Variants in PLEKHA7 observed in about 807,000 individuals in gnomAD.
PLEKHA7 encodes the protein pleckstrin homology domain containing A7.
PLEKHA7 carries 104 observed loss-of-function variants against 170.0 expected under a neutral mutation model. The observed-to-expected ratio is 0.61, with a 90% CI of 0.52 to 0.72. The LOEUF is 0.72. PLEKHA7 is among the 30% of genes least tolerant of loss of function. The probability of loss-of-function intolerance (pLI) is 0.00; values close to 1 mark genes in which losing one functional copy is unlikely to be tolerated. For synonymous variants in PLEKHA7, 648 were observed against 660.8 expected (o/e 0.98, Z 0.30); for missense variants, 1,615 against 1,671.7 (o/e 0.97, Z 0.59).
At position 16,789,133 on chromosome 11, in the gene PLEKHA7, C is replaced by A. The variant is rs753924149; in HGVS notation, c.3320G>T (p.Arg1107Leu). Residue 1107 changes from arginine to leucine, a missense_variant, in exon 23 of 27, where the codon CGC becomes CTC. Physicochemically the swap from Arg to Leu is moderately radical, Grantham distance 102 (BLOSUM62 -2). Transcript: ENST00000531066. This position sits in a 1 kb window ranked among gnomAD's most constrained non-coding sequence, Gnocchi z 4.6. ...TCCAGGGAGCGGCCGGCTGAGGTAG[C>A]GAGATGAGGGCAGGCCCGTCCTCTC... ...QGERTGLPSS[R>L]YLSRPLPGDL... The A allele has an allele frequency of 3.7e-6, 6 of 1,608,614 alleles. No homozygotes were observed. Among genetic ancestry groups the A allele is most frequent in the Non-Finnish European group, 3.4e-6 (4 of 1,180,002 alleles).
At chr11:16,829,907 C>G (rs1416705001) in intron 9 of PLEKHA7, among the ~76,000 whole-genome samples, 3 of 151,954 alleles carry the variant, frequency 2.0e-5, no homozygotes, top group Non-Finnish European at 4.4e-5. Flanking sequence ...TTCCTTTCTC[C>G]CTTTAAGCCT....
At chr11:16,783,191 G>A (rs1849164243) in intron 25 of PLEKHA7, among the ~76,000 whole-genome samples, 1 of 152,322 alleles carries the variant, frequency 6.6e-6, no homozygotes, top group African/African-American at 2.4e-5. Flanking sequence ...TTACAAACAA[G>A]ATTAAATTTC....
chr11:16,884,780 T>G (rs1347544587), intron 3 of PLEKHA7, among the ~76,000 whole-genome samples: 1 of 152,250 alleles, frequency 6.6e-6, no homozygotes, highest in Admixed American at 6.5e-5. Flanking sequence ...CACTCCCTGC[T>G]GCTTCCCAGT....
chr11:16,996,643 C>T (rs1430758375), intron 3 of PLEKHA7, among the ~76,000 whole-genome samples: 1 of 152,182 alleles, frequency 6.6e-6, no homozygotes, highest in African/African-American at 2.4e-5. Context: ...AACTTAAAAG[C>T]TGAATCTCAG....
Position 16,791,024 on chromosome 11 carries a change from T to C in PLEKHA7, c.2921A>G (p.Asn974Ser). 1 of 1,614,078 alleles carries C rather than the reference T, an allele frequency of 6.2e-7. No individual in the cohort carries two copies. The highest frequency in any genetic ancestry group is 8.5e-7 in the Non-Finnish European group (1 of 1,180,002). The change falls in exon 20 of 27, where the codon AAT (asparagine) becomes AGT (serine). Residue 974 changes from asparagine to serine, a missense_variant. By Grantham distance (46) the Asn-to-Ser change is conservative. Transcript: ENST00000531066. This position sits in a 1 kb window ranked among gnomAD's most constrained non-coding sequence, Gnocchi z 4.5. ...KRDRELGQCV[N>S]GDSRVELRSY... ...TCCCCCGCTCACCCTGGAATCCCCA[T>C]TCACACACTGCCCCAGCTCCCGGTC...
chr11:16,914,051 CCA>C (rs1858454735), intron 3 of PLEKHA7, among the ~76,000 whole-genome samples: 1 of 151,952 alleles, frequency 6.6e-6, no homozygotes, highest in African/African-American at 2.4e-5. Flanking sequence ...CATGTGTGCA[CCA>C]CAGACTGTTA....
chr11:16,847,525 C>T (rs1852542243), intron 8 of PLEKHA7, among the ~76,000 whole-genome samples: 1 of 142,724 alleles, frequency 7.0e-6, no homozygotes, highest in African/African-American at 2.5e-5. Flanking sequence ...GCTGGGGCCT[C>T]GTGAATCACA....
chr11:16,894,597 A>G (rs1024571694), intron 3 of PLEKHA7, among the ~76,000 whole-genome samples: 1 of 152,168 alleles, frequency 6.6e-6, no homozygotes, highest in African/African-American at 2.4e-5. Context: ...ATAGCTCCAC[A>G]CTCGTAGTGT....
intron 3 of PLEKHA7, among the ~76,000 whole-genome samples, chr11:17,012,028 A>G (rs1446863378): frequency 1.3e-5 from 2 of 151,622 alleles, no homozygotes; most frequent in East Asian, 3.9e-4. Flanking sequence ...TGTGACCACT[A>G]CTCCCTGTCT....
chr11:16,792,628 C>T lies in PLEKHA7; in HGVS notation c.2746-1429G>A, dbSNP rs188307948. Among the ~76,000 whole-genome samples, 106 of 152,126 alleles carry T rather than the reference C, an allele frequency of 7.0e-4. 2 individuals are homozygous for T. The East Asian group carries it at 0.013, about 19-fold the overall frequency. On this transcript the variant is annotated intron_variant, in intron 19 of 26. Transcript: ENST00000531066. The stretch of plus-strand genomic sequence containing the variant: ...AAGCAGCTTGGCCTGGGAAAGAACC[C>T]ACAGGCTTCTGGTTGCTGGCAGTGT...
chr11:16,984,936 C>T (rs992777353), intron 3 of PLEKHA7, among the ~76,000 whole-genome samples: 2 of 152,236 alleles, frequency 1.3e-5, no homozygotes. Context: ...CAAGGTCACA[C>T]AGCTGGCAAG....
intron 8 of PLEKHA7, among the ~76,000 whole-genome samples, chr11:16,845,517 C>A (rs2135331318): frequency 6.6e-6 from 1 of 152,262 alleles, no homozygotes; most frequent in Non-Finnish European, 1.5e-5. Flanking sequence ...CAGGAATGCA[C>A]CACCATGCCC....
intron 3 of PLEKHA7, among the ~76,000 whole-genome samples, chr11:17,006,148 A>C (rs1864975282): frequency 6.6e-6 from 1 of 151,988 alleles, no homozygotes; most frequent in African/African-American, 2.4e-5. Context: ...AGGCGGGTGG[A>C]CAGCCTGAGG....
intron 3 of PLEKHA7, among the ~76,000 whole-genome samples, chr11:16,900,818 A>G (rs1176961708): frequency 6.6e-6 from 1 of 151,824 alleles, no homozygotes; most frequent in African/African-American, 2.4e-5. Flanking sequence ...AACTACCTCA[A>G]GTGGCATAAC....
chr11:16,844,780 A>G (rs527262521), intron 8 of PLEKHA7, among the ~76,000 whole-genome samples: 30 of 152,212 alleles, frequency 2.0e-4, no homozygotes, highest in Non-Finnish European at 3.7e-4. Context: ...TCAAGCCCCC[A>G]ACATCAGCCT....
Position 17,001,636 on chromosome 11 carries a change from G to C in PLEKHA7, c.221+12353C>G, listed in dbSNP as rs115325468. 3.4e-3 allele frequency among the ~76,000 whole-genome samples: 510 copies of C among 152,238 alleles called. 3 individuals carry two copies. Among genetic ancestry groups the C allele is most frequent in the African/African-American group, 0.012 (492 of 41,524 alleles). The stretch of plus-strand genomic sequence containing the variant: ...TGCTGCTCCCCTTCCCTGCACCATA[G>C]AGTGTGATGTAGGAAGTCACGAGAG... On this transcript the variant is annotated intron_variant, in intron 3 of 26. Transcript: ENST00000531066.
chr11:16,937,163 G>A (rs1378324554), intron 3 of PLEKHA7, among the ~76,000 whole-genome samples: 1 of 152,096 alleles, frequency 6.6e-6, no homozygotes, highest in Admixed American at 6.6e-5. Context: ...CTCTGGACAA[G>A]AGACAGTTTG....
chr11:16,906,121 T>A (rs895885594), intron 3 of PLEKHA7, among the ~76,000 whole-genome samples: 10 of 152,070 alleles, frequency 6.6e-5, no homozygotes, highest in African/African-American at 2.4e-4. Context: ...GGCTGAACTG[T>A]GTTCCCTTCA....
At chr11:16,992,663 G>C (rs1014160291) in intron 3 of PLEKHA7, among the ~76,000 whole-genome samples, 1 of 151,758 alleles carries the variant, frequency 6.6e-6, no homozygotes, top group Non-Finnish European at 1.5e-5. Flanking sequence ...GGCAGAGGCA[G>C]GAGAATCACT....
Sources: gnomAD v4.1 joint callset for allele counts (sites outside exome capture counted in the v4.1 genomes callset) on GRCh38, gnomAD v4.1.1 for gene constraint, Gnocchi (gnomAD v3.1) non-coding constraint, MANE v1.5 for transcripts, NCBI Gene and HGNC (gene_info 2026-07-23, HGNC 2026-07-21) for gene names.